The following PPM1F variants were observed in gnomAD, a reference collection of about 807,000 sequenced individuals.
PPM1F encodes protein phosphatase, Mg2+/Mn2+ dependent 1F, also known as protein phosphatase 1F.
Under a neutral mutation model 35.5 loss-of-function variants are expected in PPM1F, and 17 were observed. That is an observed-to-expected ratio of 0.48 (90% CI 0.33 to 0.72). PPM1F has a LOEUF of 0.72. PPM1F is among the 30% of genes least tolerant of loss of function. PPM1F has a pLI of 0.02. For synonymous variants in PPM1F, 241 were observed against 255.5 expected, an observed-to-expected ratio of 0.94 and a Z score of 0.54; for missense variants, 521 against 613.0, an observed-to-expected ratio of 0.85 and a Z score of 1.59.
chr22:21,939,536 C>G lies in PPM1F; in HGVS notation c.351G>C (p.Val117=). Reference sequence around the variant, plus strand: ...CTCAGAAGAAACAGAACTCACAGGTCACAGGGGCCTTTTCCTCCTCGTCAT... The same window carrying G: ...CTCAGAAGAAACAGAACTCACAGGTGACAGGGGCCTTTTCCTCCTCGTCAT... ...EDDDEEEKAP[V]TLLDAQSLAQ... is the part of the protein sequence containing the mutation. The change falls in exon 3 of 8, where the codon GTG becomes GTC. Residue 117 remains valine (V), a synonymous_variant. Transcript: ENST00000263212. The surrounding 1 kb of genome is among the most constrained non-coding windows in gnomAD (Gnocchi z 5.1). 1 of 1,598,564 alleles carries G rather than the reference C, an allele frequency of 6.3e-7. No individual in the cohort carries two copies. Among genetic ancestry groups the G allele is most frequent in the Non-Finnish European group, 8.5e-7 (1 of 1,171,610 alleles).
At chr22:21,924,105 A>G (rs1017440586) in intron 7 of PPM1F, among the ~76,000 whole-genome samples, 2 of 152,088 alleles carry the variant, frequency 1.3e-5, no homozygotes, top group South Asian at 2.1e-4. Flanking sequence ...CACATCTGCC[A>G]AAAAGGACAG....
chr22:21,948,732 G>T (rs1270769488), intron 1 of PPM1F: 1 of 152,248 alleles, frequency 6.6e-6, no homozygotes, highest in Non-Finnish European at 1.5e-5. Flanking sequence ...ACCACAAAAT[G>T]TGCTCATGTG....
At position 21,923,395 on chromosome 22, in the gene PPM1F, G is replaced by A; in HGVS notation, c.1062C>T (p.Tyr354=). The A allele has an allele frequency of 6.2e-7, 1 of 1,613,858 alleles. No homozygotes were observed. The highest frequency in any genetic ancestry group is 8.5e-7 in the Non-Finnish European group (1 of 1,179,982). ...AGAAGCCATCACAGGCAAGCAGCAG[G>A]TAGTCCTCGGAGCCCGTCAGCGCCC... The part of the protein sequence containing the change: ...ASRALTGSED[Y]LLLACDGFFD... Residue 354 remains tyrosine, a synonymous_variant, in exon 8 of 8, where the codon TAC becomes TAT. Coordinates refer to ENST00000263212, the MANE Select transcript of PPM1F (RefSeq NM_014634.4).
In PPM1F at chr22:21,934,154, T is replaced by A. The variant is rs530815427; in HGVS notation, c.428A>T (p.Gln143Leu). Reference sequence around the variant, plus strand: ...TGAGGCCCGGGCAGCCAATGGCACCTGCTTCTGCCACTGGCCGGCGACTTC... The same window carrying A: ...TGAGGCCCGGGCAGCCAATGGCACCAGCTTCTGCCACTGGCCGGCGACTTC... The part of the protein sequence containing the change: ...LWEVAGQWQK[Q>L]VPLAARASQR... Residue 143 changes from glutamine (Q) to leucine (L), a missense_variant, in exon 4 of 8, where the codon CAG becomes CTG. Transcript: ENST00000263212. 1.3e-6 allele frequency: 2 copies of A among 1,577,586 alleles called. No individual in the cohort carries two copies. Among genetic ancestry groups the A allele is most frequent in the South Asian group, 1.2e-5 (1 of 86,236 alleles).
rs776472058 is a variant in PPM1F, at chr22:21,933,463, TGTGGGCAGCTCTGGCTG to T, written c.658_674del (p.Gln220ArgfsTer3). On this transcript the variant is annotated frameshift_variant, in exon 5 of 8. Coordinates refer to ENST00000263212, the MANE Select transcript of PPM1F (RefSeq NM_014634.4). LOFTEE classifies it high-confidence loss of function. ...CTTCTCTGAGGGCTCCCTCAGGGTC[TGTGGGCAGCTCTGGCTG>T]GCGGGCAGCGTTGGTGTGCACGTGG... 6 of 1,613,510 alleles carry T rather than the reference TGTGGGCAGCTCTGGCTG, an allele frequency of 3.7e-6. No homozygotes were observed. Among genetic ancestry groups the T allele is most frequent in the Non-Finnish European group, 5.1e-6 (6 of 1,180,034 alleles).
intron 7 of PPM1F, chr22:21,925,073 A>AT (rs960244962): frequency 2.0e-3 from 289 of 148,118 alleles, no homozygotes; most frequent in East Asian, 0.013. Context: ...AATTTTTTGT[A>AT]TTTTTTTTTT....
Position 21,934,245 on chromosome 22 carries a change from G to T in PPM1F, c.356-19C>A. The T allele has an allele frequency of 6.5e-7, 1 of 1,541,632 alleles. No homozygotes were observed. Among genetic ancestry groups the T allele is most frequent in the East Asian group, 2.4e-5 (1 of 41,468 alleles). On this transcript the variant is annotated intron_variant, in intron 3 of 7. Coordinates refer to ENST00000263212, the MANE Select transcript of PPM1F (RefSeq NM_014634.4). The stretch of plus-strand genomic sequence containing the variant: ...TCCAGCACTGATGGGCACAATGGAG[G>T]GATTGTCAGGGAAGTGCCAACCAAG...
chr22:21,937,840 C>T, intron 3 of PPM1F: 1 of 293,260 alleles, frequency 3.4e-6, no homozygotes, highest in South Asian at 2.6e-5. Flanking sequence ...CCAAGGGCTG[C>T]AGCCCCGCAA....
rs555841756 is a variant in PPM1F at position 21,937,885 on chromosome 22, G to A, written c.355+1647C>T. ...TGGATTCTTCGCTGATCCAGTCACC[G>A]GGGAGGGGCTGACTGGCAGCCACAC... is the stretch of plus-strand genomic sequence containing the variant. On this transcript the variant is annotated intron_variant, in intron 3 of 7. Coordinates refer to ENST00000263212, the MANE Select transcript of PPM1F (RefSeq NM_014634.4). 147 of 327,706 alleles carry A rather than the reference G, an allele frequency of 4.5e-4. 2 individuals carry two copies. The highest frequency in any genetic ancestry group is 3.3e-3 in the South Asian group (144 of 43,722). The allele number at this position is 327,706 out of a possible 1,614,324, so 20.3% of individuals were successfully genotyped here.
rs756004413 is a variant in PPM1F, at chr22:21,931,232, G to A, written c.807C>T (p.Val269=). Residue 269 remains valine, a synonymous_variant, in exon 6 of 8, where the codon GTC becomes GTT. Coordinates refer to ENST00000263212, the MANE Select transcript of PPM1F (RefSeq NM_014634.4). ...TGACCTGGGAATCCCCGAGCCAGGC[G>A]ACGTGCAGGGTCGCTCCTGCAATGA... ...CALIAGATLH[V]AWLGDSQVIL... is the part of the protein sequence containing the mutation. 7 of 1,613,930 alleles carry A rather than the reference G, an allele frequency of 4.3e-6. No homozygotes were observed. The highest frequency in any genetic ancestry group is 1.3e-5 in the African/African-American group (1 of 74,952).
chr22:21,931,668 A>G (rs1255951127), intron 5 of PPM1F, among the ~76,000 whole-genome samples: 2 of 151,828 alleles, frequency 1.3e-5, no homozygotes, highest in African/African-American at 4.8e-5. Context: ...GTACAGCACC[A>G]CGCCTGGCTA....
chr22:21,942,759 C>G (rs2070739041), intron 2 of PPM1F: 1 of 152,436 alleles, frequency 6.6e-6, no homozygotes, highest in Non-Finnish European at 1.5e-5. Flanking sequence ...ATCCCAGGGT[C>G]TGGCCTGGGA....
chr22:21,946,130 A>C, intron 1 of PPM1F, 22 bp from the exon 2 acceptor site: 1 of 1,229,476 alleles, frequency 8.1e-7, no homozygotes, highest in Non-Finnish European at 1.1e-6. Context: ...TGTCAGAGTC[A>C]GCAGAATCAG....
At chr22:21,936,485 C>T (rs2145800048) in intron 3 of PPM1F, 1 of 152,360 alleles carries the variant, frequency 6.6e-6, no homozygotes, top group South Asian at 2.1e-4. Flanking sequence ...TCTTTGACTT[C>T]CCCTTTTGCG....
chr22:21,936,372 C>T (rs988780253), intron 3 of PPM1F: 5 of 151,962 alleles, frequency 3.3e-5, no homozygotes, highest in Non-Finnish European at 7.4e-5. Flanking sequence ...GTGGCAGTTC[C>T]ACGGACAGCT....
intron 1 of PPM1F, chr22:21,949,223 C>T (rs965425223): frequency 3.3e-5 from 5 of 152,250 alleles, no homozygotes; most frequent in African/African-American, 1.2e-4. Flanking sequence ...CAACTGCCTG[C>T]TCTTGTTACA....
chr22:21,947,708 C>A (rs980953679), intron 1 of PPM1F: 7 of 152,176 alleles, frequency 4.6e-5, no homozygotes, highest in African/African-American at 1.7e-4. Context: ...ACTCTGCCTA[C>A]AAACTTTGCT....
intron 3 of PPM1F, 54 bp from the exon 4 acceptor site, chr22:21,934,280 G>T (rs1008760744): frequency 4.8e-6 from 7 of 1,467,226 alleles, no homozygotes; most frequent in Non-Finnish European, 4.6e-6. Context: ...GCCAGCTGAG[G>T]CCTCGCTGGC....
At position 21,922,966 on chromosome 22, in the gene PPM1F, G is replaced by A; in HGVS notation, c.*126C>T. On this transcript the variant is annotated 3_prime_UTR_variant, in exon 8 of 8. Transcript: ENST00000263212. ...CGGGGGGTGTCCCGACTGGCTCTGG[G>A]GTGCTGGGGAAAGCACTGTGGGGCG... 2 of 1,282,474 alleles carry A rather than the reference G, an allele frequency of 1.6e-6. No homozygotes were observed. Among genetic ancestry groups the A allele is most frequent in the Non-Finnish European group, 1.1e-6 (1 of 927,948 alleles). The allele number at this position is 1,282,474 out of a possible 1,614,324, so 79.4% of individuals were successfully genotyped here. A position where few individuals can be genotyped will look rare whatever the true frequency, so the allele number is the denominator to read the frequency against.
Sources: gnomAD v4.1 joint callset for allele counts (sites outside exome capture counted in the v4.1 genomes callset) on GRCh38, gnomAD v4.1.1 for gene constraint, Gnocchi (gnomAD v3.1) non-coding constraint, MANE v1.5 for transcripts, NCBI Gene and HGNC (gene_info 2026-07-23, HGNC 2026-07-21) for gene names.